TENM4: variants seen among roughly 807,000 people sequenced by gnomAD.
TENM4 encodes teneurin transmembrane protein 4.
A neutral mutation model predicts 243.3 loss-of-function variants in TENM4; 82 were observed. The observed-to-expected ratio is 0.34, with a 90% CI of 0.28 to 0.40. TENM4 has a LOEUF of 0.40. Ranked by LOEUF, TENM4 falls within the 10% of genes least tolerant of loss-of-function variation. The pLI is 1.00. For synonymous variants in TENM4, 1,412 were observed against 1,456.3 expected (o/e 0.97, Z 0.69); for missense variants, 3,138 against 3,673.3 (o/e 0.85, Z 3.77).
intron 6 of TENM4, among the ~76,000 whole-genome samples, chr11:79,047,469 G>A (rs1266074742): frequency 2.6e-5 from 4 of 152,216 alleles, no homozygotes; most frequent in Non-Finnish European, 5.9e-5. Flanking sequence ...TGCTCACTTT[G>A]CTGGTGCAAT....
At chr11:78,991,783 C>T (rs1208171345) in intron 6 of TENM4, among the ~76,000 whole-genome samples, 2 of 152,160 alleles carry the variant, frequency 1.3e-5, no homozygotes. Flanking sequence ...GGAAATTAAC[C>T]TCTGTCTGCA....
At chr11:79,259,727 A>G (rs764649222) in intron 2 of TENM4, among the ~76,000 whole-genome samples, 3 of 151,900 alleles carry the variant, frequency 2.0e-5, no homozygotes, top group Non-Finnish European at 2.9e-5. Flanking sequence ...ATCCATCCCT[A>G]TACCCATGAA....
chr11:79,274,622 C>T (rs1022125480), intron 2 of TENM4, among the ~76,000 whole-genome samples: 2 of 152,158 alleles, frequency 1.3e-5, no homozygotes, highest in African/African-American at 2.4e-5. Flanking sequence ...CCTGGTGAAA[C>T]CCCAGCATTG....
intron 3 of TENM4, among the ~76,000 whole-genome samples, chr11:79,214,241 C>T (rs972885547): frequency 9.9e-5 from 15 of 152,140 alleles, no homozygotes; most frequent in African/African-American, 2.2e-4. Flanking sequence ...GTGATCTACC[C>T]GCCTTGGCCT....
chr11:79,162,483 T>C (rs1039158723), intron 3 of TENM4, among the ~76,000 whole-genome samples: 2 of 150,100 alleles, frequency 1.3e-5, no homozygotes, highest in Non-Finnish European at 3.0e-5. Context: ...ATTTATTTAT[T>C]TATTTATTAT....
chr11:78,979,186 G>A (rs1857734711), intron 6 of TENM4, among the ~76,000 whole-genome samples: 1 of 152,160 alleles, frequency 6.6e-6, no homozygotes, highest in Admixed American at 6.5e-5. Context: ...TGAGGAAGAA[G>A]GCCAAGCATC....
At chr11:79,265,240 T>C (rs1360300393) in intron 2 of TENM4, among the ~76,000 whole-genome samples, 1 of 152,160 alleles carries the variant, frequency 6.6e-6, no homozygotes, top group Non-Finnish European at 1.5e-5. Context: ...TCAGAAGCCC[T>C]AGGCACATGA....
At chr11:78,847,118 G>A (rs1858413876) in intron 12 of TENM4, among the ~76,000 whole-genome samples, 2 of 152,178 alleles carry the variant, frequency 1.3e-5, no homozygotes, top group Non-Finnish European at 2.9e-5. Context: ...GAGGTAGCAA[G>A]CATAAAAACA....
chr11:79,086,572 G>A (rs1453705425), intron 4 of TENM4, among the ~76,000 whole-genome samples: 1 of 152,212 alleles, frequency 6.6e-6, no homozygotes. Context: ...GGTGGCTCAT[G>A]CCTGTAATCC....
At chr11:78,785,151 G>C (rs1026700100) in intron 16 of TENM4, among the ~76,000 whole-genome samples, 1 of 152,046 alleles carries the variant, frequency 6.6e-6, no homozygotes, top group Non-Finnish European at 1.5e-5. Context: ...GCAGAAAAGG[G>C]AAGGTGAGGG....
At chr11:78,659,964 T>C (rs1857989805) in intron 33 of TENM4, among the ~76,000 whole-genome samples, 1 of 152,180 alleles carries the variant, frequency 6.6e-6, no homozygotes, top group African/African-American at 2.4e-5. Context: ...TTTCCTAGAG[T>C]TTCACGAAAG....
chr11:78,854,130 A>G lies in TENM4; in HGVS notation c.1655T>C (p.Val552Ala). The G allele has an allele frequency of 6.4e-7, 1 of 1,551,614 alleles. No homozygotes were observed. Among genetic ancestry groups the G allele is most frequent in the Admixed American group, 2.0e-5 (1 of 50,992 alleles). Reference sequence around the variant, plus strand: ...AATGGCAGTGGTGAGAAAGGAAACCACTTCTGACTCCTTTCCGTCATTGTA... The same window carrying G: ...AATGGCAGTGGTGAGAAAGGAAACCGCTTCTGACTCCTTTCCGTCATTGTA... The part of the protein sequence containing the change: ...AFYNDGKESE[V>A]VSFLTTAIES... Residue 552 changes from valine (V) to alanine (A), a missense_variant, in exon 12 of 34, where the codon GTG (valine) becomes GCG (alanine). This residue lies in a region of TENM4 where 2,467 missense variants were observed against 3,059.1 expected (regional missense o/e 0.81). Transcript: ENST00000278550.
At chr11:78,933,567 C>T (rs1271323033) in intron 6 of TENM4, among the ~76,000 whole-genome samples, 2 of 152,172 alleles carry the variant, frequency 1.3e-5, no homozygotes, top group Admixed American at 1.3e-4. Context: ...CTCAAACACC[C>T]AGCCACGTTA....
chr11:78,704,082 T>C (rs1284895954), intron 27 of TENM4, among the ~76,000 whole-genome samples: 1 of 146,468 alleles, frequency 6.8e-6, no homozygotes, highest in Non-Finnish European at 1.5e-5. Flanking sequence ...TATAAATATA[T>C]ACATACATAT....
chr11:79,207,496 T>A (rs1178006551), intron 3 of TENM4, among the ~76,000 whole-genome samples: 1 of 152,050 alleles, frequency 6.6e-6, no homozygotes, highest in Non-Finnish European at 1.5e-5. Context: ...TGGACACACT[T>A]TGGAAGTAGA....
chr11:78,977,798 AT>A (rs1857697992), intron 6 of TENM4, among the ~76,000 whole-genome samples: 1 of 152,224 alleles, frequency 6.6e-6, no homozygotes, highest in Admixed American at 6.5e-5. Context: ...CAGAATGGTG[AT>A]TCCTCAAGGA....
intron 9 of TENM4, among the ~76,000 whole-genome samples, chr11:78,883,422 C>A (rs117653414): frequency 0.017 from 2,531 of 152,296 alleles, 24 homozygotes; most frequent in Non-Finnish European, 0.024. Context: ...CAAATCCCAT[C>A]TTCCTTCCTG....
intron 18 of TENM4, among the ~76,000 whole-genome samples, chr11:78,760,912 T>C (rs1011634147): frequency 3.3e-5 from 5 of 152,246 alleles, no homozygotes; most frequent in Non-Finnish European, 4.4e-5. Flanking sequence ...GTTCTTCGGG[T>C]CATAAATTAT....
chr11:79,191,272 G>GC (rs1209620301), intron 3 of TENM4, among the ~76,000 whole-genome samples: 3 of 132,528 alleles, frequency 2.3e-5, no homozygotes, highest in Non-Finnish European at 4.8e-5. Context: ...GATTGCAGGC[G>GC]CGCGCCGCCA....
Sources: allele counts gnomAD v4.1 joint callset (sites outside exome capture counted in the v4.1 genomes callset), GRCh38; gene constraint gnomAD v4.1.1; regional missense constraint gnomAD v4.1.1; transcripts MANE v1.5; gene names NCBI Gene and HGNC (gene_info 2026-07-23, HGNC 2026-07-21).